Variants in EYA4 observed in about 807,000 individuals in gnomAD.
The protein encoded by EYA4 is protein phosphatase EYA4.
A neutral mutation model predicts 87.9 loss-of-function variants in EYA4; 31 were observed. That is an observed-to-expected ratio of 0.35 (90% confidence interval 0.27 to 0.48). EYA4 has a LOEUF of 0.48. Among genes scored for constraint, EYA4 ranks in the 20% least tolerant of loss-of-function variants. EYA4 has a pLI of 0.99. For synonymous variants in EYA4, 263 were observed against 270.6 expected, an observed-to-expected ratio of 0.97 and a Z score of 0.28; for missense variants, 678 against 761.4, an observed-to-expected ratio of 0.89 and a Z score of 1.29.
In EYA4 at chr6:133,530,792, G is replaced by T. The variant is rs1800963174; in HGVS notation, c.*1987G>T. The T allele has an allele frequency of 1.0e-6, 1 of 987,976 alleles. No homozygotes were observed. 61.2% of individuals were successfully genotyped at this position (987,976 alleles called of 1,614,324 possible). On this transcript the variant is annotated 3_prime_UTR_variant, in exon 20 of 20. Transcript: ENST00000355286. ...AATTTTGTAGCTTTTGGCTGCATCT[G>T]CCCCAAGTACTATTCCAGGCAAATT... is the stretch of plus-strand genomic sequence containing the variant.
At chr6:133,419,119 G>A (rs779080746) in intron 3 of EYA4, among the ~76,000 whole-genome samples, 1 of 152,030 alleles carries the variant, frequency 6.6e-6, no homozygotes, top group Non-Finnish European at 1.5e-5. Context: ...GTTTCGATAG[G>A]TATAGGCCCT....
At chr6:133,505,138 C>T (rs971870625) in intron 13 of EYA4, among the ~76,000 whole-genome samples, 1 of 152,160 alleles carries the variant, frequency 6.6e-6, no homozygotes. Flanking sequence ...GGAGTTGCAC[C>T]TATGAGCAGT....
chr6:133,451,633 A>G (rs937232846), intron 5 of EYA4, among the ~76,000 whole-genome samples: 3 of 152,206 alleles, frequency 2.0e-5, no homozygotes, highest in Non-Finnish European at 2.9e-5. Context: ...AAAGAACACA[A>G]TACCAGCCAT....
At chr6:133,465,520 T>G (rs896057374) in intron 10 of EYA4, among the ~76,000 whole-genome samples, 1 of 152,176 alleles carries the variant, frequency 6.6e-6, no homozygotes, top group Non-Finnish European at 1.5e-5. Context: ...GTTAGAATTA[T>G]GCATGAAGCA....
chr6:133,423,548 G>A (rs1424707178), intron 3 of EYA4, among the ~76,000 whole-genome samples: 1 of 152,014 alleles, frequency 6.6e-6, no homozygotes, highest in Non-Finnish European at 1.5e-5. Flanking sequence ...CTGATTATTA[G>A]GACTGTAGTG....
intron 2 of EYA4, among the ~76,000 whole-genome samples, chr6:133,309,206 T>G (rs1289232728): frequency 6.6e-6 from 1 of 151,938 alleles, no homozygotes; most frequent in African/African-American, 2.4e-5. Flanking sequence ...TTTTTATTAT[T>G]AAAACAATAT....
chr6:133,495,050 T>C (rs667890), intron 13 of EYA4, among the ~76,000 whole-genome samples: 66,682 of 151,862 alleles, frequency 0.44, 14,919 homozygotes, highest in Admixed American at 0.49. Flanking sequence ...GGGCAGATCA[T>C]CTGAGGTCAG....
At chr6:133,297,872 G>A (rs889338491) in intron 2 of EYA4, among the ~76,000 whole-genome samples, 9 of 152,136 alleles carry the variant, frequency 5.9e-5, no homozygotes, top group Admixed American at 2.0e-4. Flanking sequence ...TATGTGGGGT[G>A]GATATTTTCA....
chr6:133,265,132 A>G (rs1391822236), intron 1 of EYA4, among the ~76,000 whole-genome samples: 1 of 152,150 alleles, frequency 6.6e-6, no homozygotes, highest in Admixed American at 6.5e-5. Context: ...TTGTAATTCT[A>G]ATTTTCTAAG....
intron 13 of EYA4, among the ~76,000 whole-genome samples, chr6:133,486,293 A>G (rs776033199): frequency 1.3e-5 from 2 of 152,190 alleles, no homozygotes; most frequent in Non-Finnish European, 2.9e-5. Flanking sequence ...CCTTTTAGCC[A>G]GTAATAAATA....
At chr6:133,459,780 T>G (rs1794217638) in intron 6 of EYA4, among the ~76,000 whole-genome samples, 1 of 152,136 alleles carries the variant, frequency 6.6e-6, no homozygotes, top group African/African-American at 2.4e-5. Context: ...ATTGGTCAAT[T>G]TATTTTCAAC....
At chr6:133,332,700 C>T (rs112184015) in intron 2 of EYA4, among the ~76,000 whole-genome samples, 2,265 of 147,466 alleles carry the variant, frequency 0.015, 60 homozygotes, top group African/African-American at 0.051. Context: ...TGTGCCACCA[C>T]GCCCAGCTAA....
intron 2 of EYA4, among the ~76,000 whole-genome samples, chr6:133,325,794 G>A (rs1487384517): frequency 1.3e-5 from 2 of 152,308 alleles, no homozygotes; most frequent in East Asian, 3.9e-4. Context: ...CTGTTGCAAT[G>A]AAAAAGCAGC....
At chr6:133,457,855 C>T (rs1335363884) in intron 6 of EYA4, among the ~76,000 whole-genome samples, 1 of 152,122 alleles carries the variant, frequency 6.6e-6, no homozygotes, top group African/African-American at 2.4e-5. Flanking sequence ...TTATTGCTGA[C>T]CTACTTCAGT....
At chr6:133,273,118 A>ATATATATATATATATATATATATAT (rs1562233057) in intron 1 of EYA4, among the ~76,000 whole-genome samples, 3 of 128,088 alleles carry the variant, frequency 2.3e-5, no homozygotes, top group African/African-American at 1.1e-4. Context: ...TATATATATA[A>ATATATATATATATATATATATATAT]AGGGAAGTTT....
At chr6:133,286,926 C>G (rs1384155073) in intron 2 of EYA4, among the ~76,000 whole-genome samples, 1 of 152,040 alleles carries the variant, frequency 6.6e-6, no homozygotes, top group Non-Finnish European at 1.5e-5. Flanking sequence ...CTGTCCTGTA[C>G]ATTGTGTTAT....
At chr6:133,399,208 C>T (rs1226944229) in intron 3 of EYA4, among the ~76,000 whole-genome samples, 1 of 152,120 alleles carries the variant, frequency 6.6e-6, no homozygotes, top group Non-Finnish European at 1.5e-5. Flanking sequence ...CAAGCATTTT[C>T]ATTTTTATAA....
intron 3 of EYA4, among the ~76,000 whole-genome samples, chr6:133,419,409 T>C (rs1304215970): frequency 6.6e-6 from 1 of 152,198 alleles, no homozygotes; most frequent in African/African-American, 2.4e-5. Flanking sequence ...GGACACGTCT[T>C]GTCTGTTTGT....
chr6:133,284,987 TG>T lies in EYA4; in HGVS notation c.33+10175del, dbSNP rs1325495522. On this transcript the variant is annotated intron_variant, in intron 2 of 19. Coordinates refer to ENST00000355286, the MANE Select transcript of EYA4 (RefSeq NM_004100.5). Reference sequence around the variant, plus strand: ...AGGTGAAGGGACAGCTGTGGTTTTTTGTTTTTTTTTTTGTTTGTTTGTTTTT... The same window carrying T: ...AGGTGAAGGGACAGCTGTGGTTTTTTTTTTTTTTTTTGTTTGTTTGTTTTT... Among the ~76,000 whole-genome samples, 30 of 142,596 alleles carry T rather than the reference TG, an allele frequency of 2.1e-4. 2 individuals carry two copies. Among genetic ancestry groups the T allele is most frequent in the African/African-American group, 6.4e-4 (25 of 39,306 alleles). 93.5% of individuals were successfully genotyped at this position (142,596 alleles called of 152,430 possible). A position where few individuals can be genotyped will look rare whatever the true frequency, so the allele number is the denominator to read the frequency against.
Sources: allele counts gnomAD v4.1 joint callset (sites outside exome capture counted in the v4.1 genomes callset), GRCh38; gene constraint gnomAD v4.1.1; transcripts MANE v1.5; gene names NCBI Gene and HGNC (gene_info 2026-07-23, HGNC 2026-07-21).